Variants in SGCZ observed in about 807,000 individuals in gnomAD.
The protein encoded by SGCZ is zeta-sarcoglycan.
SGCZ carries 40 observed loss-of-function variants against 41.3 expected under a neutral mutation model. The ratio of observed to expected loss-of-function variants is 0.97; its 90% CI spans 0.75 to 1.26. The LOEUF (loss-of-function observed/expected upper bound fraction) is 1.26. Among genes scored for constraint, SGCZ ranks in the 50% most tolerant of loss-of-function variants. The pLI is 0.00. For missense variants in SGCZ, 552 were observed against 369.8 expected (o/e 1.49, Z -4.04); for synonymous variants, 206 against 137.5 (o/e 1.50, Z -3.49).
At chr8:14,114,623 C>G (rs1406956339) in intron 5 of SGCZ, among the ~76,000 whole-genome samples, 1 of 151,310 alleles carries the variant, frequency 6.6e-6, no homozygotes, top group Non-Finnish European at 1.5e-5. Flanking sequence ...TGTCAGAAGA[C>G]AAAAAGAGAT....
chr8:14,835,557 C>T (rs978919310), intron 1 of SGCZ, among the ~76,000 whole-genome samples: 3 of 152,198 alleles, frequency 2.0e-5, no homozygotes, highest in African/African-American at 7.2e-5. Context: ...CGCTTACCTG[C>T]TTTTCCAGAT....
At chr8:14,978,949 C>A (rs1333829765) in intron 1 of SGCZ, among the ~76,000 whole-genome samples, 3 of 152,186 alleles carry the variant, frequency 2.0e-5, no homozygotes, top group Admixed American at 1.3e-4. Context: ...CAGGCATGTG[C>A]CACCACGCCC....
At chr8:14,871,844 G>GTA (rs1173291698) in intron 1 of SGCZ, among the ~76,000 whole-genome samples, 3 of 150,102 alleles carry the variant, frequency 2.0e-5, no homozygotes, top group African/African-American at 4.9e-5. Flanking sequence ...ATATATGTAT[G>GTA]TATATATATG....
intron 3 of SGCZ, among the ~76,000 whole-genome samples, chr8:14,293,094 T>C (rs954421276): frequency 1.3e-5 from 2 of 151,980 alleles, no homozygotes; most frequent in African/African-American, 4.8e-5. Flanking sequence ...AAAAGTGATC[T>C]AAAAAGTACA....
chr8:14,102,261 A>G, intron 7 of SGCZ, 115 bp downstream of exon 7: 2 of 1,158,800 alleles, frequency 1.7e-6, no homozygotes, highest in East Asian at 2.9e-5. Context: ...TTACAACTCC[A>G]TTTATTTTCT....
At chr8:14,684,647 C>T (rs1024372452) in intron 1 of SGCZ, among the ~76,000 whole-genome samples, 1 of 151,818 alleles carries the variant, frequency 6.6e-6, no homozygotes. Flanking sequence ...CTAAATGATG[C>T]ATCTCAAATC....
intron 2 of SGCZ, among the ~76,000 whole-genome samples, chr8:14,398,169 T>C (rs865947498): frequency 6.6e-6 from 1 of 152,152 alleles, no homozygotes; most frequent in Non-Finnish European, 1.5e-5. Flanking sequence ...GAGCACTGTG[T>C]GCCTGATAGA....
intron 1 of SGCZ, among the ~76,000 whole-genome samples, chr8:15,015,335 G>C (rs1437306968): frequency 1.3e-5 from 2 of 152,150 alleles, no homozygotes; most frequent in African/African-American, 4.8e-5. Context: ...ATAGATGATA[G>C]ATGGATTATT....
intron 1 of SGCZ, among the ~76,000 whole-genome samples, chr8:15,087,172 G>T (rs1269163411): frequency 6.6e-6 from 1 of 151,976 alleles, no homozygotes; most frequent in Non-Finnish European, 1.5e-5. Context: ...AGAGATTAAA[G>T]GTACCCAACA....
intron 1 of SGCZ, among the ~76,000 whole-genome samples, chr8:14,657,743 T>C (rs1013264223): frequency 1.3e-5 from 2 of 152,212 alleles, no homozygotes; most frequent in Non-Finnish European, 2.9e-5. Flanking sequence ...TCCATCAATG[T>C]ATCTTACAAA....
intron 1 of SGCZ, among the ~76,000 whole-genome samples, chr8:15,028,533 T>C (rs1203315928): frequency 1.3e-5 from 2 of 152,042 alleles, no homozygotes; most frequent in Non-Finnish European, 2.9e-5. Flanking sequence ...GTCAGTTTCA[T>C]AAGGAACACT....
intron 1 of SGCZ, among the ~76,000 whole-genome samples, chr8:14,719,194 T>C (rs1809800275): frequency 1.3e-5 from 2 of 150,154 alleles, no homozygotes; most frequent in Admixed American, 6.7e-5. Context: ...CATCATTTTT[T>C]ATGGCTGCAT....
At chr8:14,425,493 C>T (rs1291161751) in intron 2 of SGCZ, among the ~76,000 whole-genome samples, 1 of 151,894 alleles carries the variant, frequency 6.6e-6, no homozygotes, top group Non-Finnish European at 1.5e-5. Flanking sequence ...TGGTGGCAGC[C>T]ACCTGTAATC....
chr8:14,289,680 T>C (rs943109462), intron 3 of SGCZ, among the ~76,000 whole-genome samples: 5 of 151,966 alleles, frequency 3.3e-5, no homozygotes, highest in Admixed American at 6.6e-5. Flanking sequence ...CCAACTGATA[T>C]TGGCAAAGGC....
intron 3 of SGCZ, among the ~76,000 whole-genome samples, chr8:14,250,655 C>G (rs1276669720): frequency 6.6e-6 from 1 of 152,096 alleles, no homozygotes; most frequent in Non-Finnish European, 1.5e-5. Context: ...TGTGTAGTGA[C>G]AGATATATAA....
At chr8:14,509,679 T>G (rs1056589359) in intron 2 of SGCZ, among the ~76,000 whole-genome samples, 3 of 152,162 alleles carry the variant, frequency 2.0e-5, no homozygotes, top group African/African-American at 4.8e-5. Flanking sequence ...TGCCTGTATT[T>G]GTCCACTTTC....
intron 1 of SGCZ, among the ~76,000 whole-genome samples, chr8:14,731,132 A>T (rs1810225034): frequency 6.6e-6 from 1 of 151,868 alleles, no homozygotes. Context: ...CATGGAACTA[A>T]CCCAAATGCC....
chr8:14,645,640 C>A (rs928688248), intron 1 of SGCZ, among the ~76,000 whole-genome samples: 2 of 151,430 alleles, frequency 1.3e-5, no homozygotes, highest in African/African-American at 2.4e-5. Flanking sequence ...TCTTGGAACA[C>A]TTATAACACT....
At chr8:15,187,827 G>A (rs958028295) in intron 1 of SGCZ, among the ~76,000 whole-genome samples, 1 of 151,830 alleles carries the variant, frequency 6.6e-6, no homozygotes, top group Non-Finnish European at 1.5e-5. Context: ...TTCTCCAAAT[G>A]TAGCATTTAA....
Sources: allele counts gnomAD v4.1 joint callset (sites outside exome capture counted in the v4.1 genomes callset), GRCh38; gene constraint gnomAD v4.1.1; transcripts MANE v1.5; gene names NCBI Gene and HGNC (gene_info 2026-07-23, HGNC 2026-07-21).